The following ASAP1 variants were observed in gnomAD, a reference collection of about 807,000 sequenced individuals.
The protein encoded by ASAP1 is arf-GAP with SH3 domain, ANK repeat and PH domain-containing protein 1.
In ASAP1, 43 loss-of-function variants were observed where a neutral mutation model predicts 145.2. That is an observed-to-expected ratio of 0.30 (90% CI 0.23 to 0.38). The LOEUF (loss-of-function observed/expected upper bound fraction) is 0.38, where lower values mean the gene tolerates loss of function less well. ASAP1 is among the 10% of genes least tolerant of loss of function. ASAP1 has a pLI of 1.00. For missense variants in ASAP1, 1,018 were observed against 1,355.3 expected, an observed-to-expected ratio of 0.75 and a Z score of 3.91; for synonymous variants, 546 against 515.5, an observed-to-expected ratio of 1.06 and a Z score of -0.80.
intron 2 of ASAP1, among the ~76,000 whole-genome samples, chr8:130,400,108 T>A (rs1349724599): frequency 6.6e-6 from 1 of 152,088 alleles, no homozygotes; most frequent in African/African-American, 2.4e-5. Context: ...GCGTGAGCCA[T>A]CGCGCCTGGC....
intron 9 of ASAP1, among the ~76,000 whole-genome samples, chr8:130,169,352 G>C (rs922165998): frequency 6.6e-6 from 1 of 152,204 alleles, no homozygotes; most frequent in Non-Finnish European, 1.5e-5. Context: ...TCCCAAAACA[G>C]TGATTTCATA....
chr8:130,130,592 T>G (rs2097581436), intron 15 of ASAP1, among the ~76,000 whole-genome samples: 1 of 152,254 alleles, frequency 6.6e-6, no homozygotes. Context: ...TGCATAATTG[T>G]ATTTTAATAC....
Position 130,338,532 on chromosome 8 carries a change from C to G in ASAP1, c.186+19485G>C, listed in dbSNP as rs146383016. Among the ~76,000 whole-genome samples, 6 of 152,328 alleles carry G rather than the reference C, an allele frequency of 3.9e-5. No individual in the cohort carries two copies. The East Asian group carries it at 9.6e-4, about 24-fold the overall frequency. ...TACTCCCCAATAGCTTTACTGCCCA[C>G]AGTCATCCCAGCAAACACTCTGCAG... On this transcript the variant is annotated intron_variant, in intron 3 of 29. Coordinates refer to ENST00000518721, the MANE Select transcript of ASAP1 (RefSeq NM_018482.4).
intron 3 of ASAP1, among the ~76,000 whole-genome samples, chr8:130,356,382 T>C (rs1013286521): frequency 6.6e-6 from 1 of 152,136 alleles, no homozygotes; most frequent in Admixed American, 6.5e-5. Flanking sequence ...TAGAAGTATA[T>C]ACAATTAGTA....
chr8:130,356,207 A>G (rs1336475219), intron 3 of ASAP1, among the ~76,000 whole-genome samples: 1 of 152,248 alleles, frequency 6.6e-6, no homozygotes, highest in Non-Finnish European at 1.5e-5. Flanking sequence ...TACAAACAGC[A>G]TCACCGAATA....
At chr8:130,340,988 T>C (rs1825346092) in intron 3 of ASAP1, 2 of 442,966 alleles carry the variant, frequency 4.5e-6, no homozygotes, top group Non-Finnish European at 9.0e-6. Context: ...GTTTTGTCGC[T>C]GGGGGGCAGT....
At chr8:130,101,732 A>ATTTTTTTATTTTTTTTTT in intron 24 of ASAP1, among the ~76,000 whole-genome samples, 1 of 86,968 alleles carries the variant, frequency 1.1e-5, no homozygotes, top group Non-Finnish European at 2.0e-5. Context: ...CACCTGGTTA[A>ATTTTTTTATTTTTTTTTT]TTTTTTTTTT....
chr8:130,354,531 A>G (rs1474790421), intron 3 of ASAP1, among the ~76,000 whole-genome samples: 2 of 152,196 alleles, frequency 1.3e-5, no homozygotes, highest in Admixed American at 1.3e-4. Flanking sequence ...AAGTCTTTAA[A>G]TAGAGGGTCC....
At chr8:130,117,434 AG>A in intron 20 of ASAP1, among the ~76,000 whole-genome samples, 1 of 152,310 alleles carries the variant, frequency 6.6e-6, no homozygotes, top group Non-Finnish European at 1.5e-5. Flanking sequence ...ATTGTCTCTG[AG>A]GAAGAAACCT....
chr8:130,341,034 G>T (rs964546919), intron 3 of ASAP1: 1 of 398,864 alleles, frequency 2.5e-6, no homozygotes, highest in Non-Finnish European at 4.9e-6. Context: ...TTTTTTAACC[G>T]ACATTAAATG....
At chr8:130,334,230 T>C (rs904499577) in intron 3 of ASAP1, among the ~76,000 whole-genome samples, 1 of 152,182 alleles carries the variant, frequency 6.6e-6, no homozygotes, top group African/African-American at 2.4e-5. Flanking sequence ...GGCACACATA[T>C]AAAGAGGTAC....
chr8:130,190,309 C>G (rs1815052161), intron 5 of ASAP1, among the ~76,000 whole-genome samples: 1 of 152,038 alleles, frequency 6.6e-6, no homozygotes, highest in African/African-American at 2.4e-5. Context: ...GTCTTTAATC[C>G]ATTTGGATTT....
At chr8:130,117,247 T>C (rs2097557743) in intron 20 of ASAP1, among the ~76,000 whole-genome samples, 1 of 152,352 alleles carries the variant, frequency 6.6e-6, no homozygotes, top group African/African-American at 2.4e-5. Context: ...ATTGAATCTT[T>C]ACAACTATAT....
At chr8:130,320,693 A>G (rs547752535) in intron 3 of ASAP1, among the ~76,000 whole-genome samples, 1 of 152,326 alleles carries the variant, frequency 6.6e-6, no homozygotes, top group South Asian at 2.1e-4. Context: ...CACAACCAGG[A>G]AGAAGTATCA....
chr8:130,297,975 C>G (rs970622476), intron 3 of ASAP1, among the ~76,000 whole-genome samples: 3 of 152,306 alleles, frequency 2.0e-5, no homozygotes, highest in South Asian at 2.1e-4. Flanking sequence ...GGAGCTGAAA[C>G]ATCTGGGTTC....
intron 12 of ASAP1, among the ~76,000 whole-genome samples, chr8:130,153,176 C>T (rs947603153): frequency 1.3e-5 from 2 of 150,992 alleles, no homozygotes; most frequent in African/African-American, 4.9e-5. Flanking sequence ...CCTGCCACTG[C>T]GCCCGGCTAA....
At chr8:130,395,737 G>A (rs1828499127) in intron 2 of ASAP1, among the ~76,000 whole-genome samples, 1 of 151,742 alleles carries the variant, frequency 6.6e-6, no homozygotes, top group South Asian at 2.1e-4. Context: ...TGTGACCTCG[G>A]CTCACTGCAA....
intron 13 of ASAP1, among the ~76,000 whole-genome samples, chr8:130,148,407 A>G (rs2097638039): frequency 1.3e-5 from 2 of 152,246 alleles, no homozygotes; most frequent in South Asian, 4.1e-4. Context: ...TGTGTTAGGT[A>G]CTGAAAATTC....
At chr8:130,169,186 C>CTG (rs529829232) in intron 9 of ASAP1, 119 bp from the exon 10 acceptor site, 137 of 597,672 alleles carry the variant, frequency 2.3e-4, no homozygotes, top group African/African-American at 1.8e-3. Flanking sequence ...ATACACTTAT[C>CTG]TGTATATATA....
Sources: allele counts gnomAD v4.1 joint callset (sites outside exome capture counted in the v4.1 genomes callset), GRCh38; gene constraint gnomAD v4.1.1; transcripts MANE v1.5; gene names NCBI Gene and HGNC (gene_info 2026-07-23, HGNC 2026-07-21).